The following FAM184A variants were observed in gnomAD, a reference collection of about 807,000 sequenced individuals.
FAM184A encodes protein FAM184A.
In FAM184A, 99 loss-of-function variants were observed where a neutral mutation model predicts 143.8. The observed-to-expected ratio is 0.69, with a 90% CI of 0.58 to 0.81. FAM184A has a LOEUF of 0.81. Among genes scored for constraint, FAM184A ranks in the 40% least tolerant of loss-of-function variants. The pLI is 0.00. For synonymous variants in FAM184A, 427 were observed against 446.4 expected (o/e 0.96, Z 0.55); for missense variants, 1,217 against 1,310.5 (o/e 0.93, Z 1.10).
chr6:119,072,565 A>G (rs1006144882), intron 1 of FAM184A, among the ~76,000 whole-genome samples: 8 of 152,220 alleles, frequency 5.3e-5, no homozygotes, highest in African/African-American at 9.6e-5. Context: ...GTATTATTTG[A>G]AAAATTCACT....
intron 1 of FAM184A, among the ~76,000 whole-genome samples, chr6:119,033,174 G>A (rs574514178): frequency 1.8e-4 from 28 of 152,246 alleles, no homozygotes; most frequent in African/African-American, 5.3e-4. Context: ...GTTTGGAGCC[G>A]GGGTATTAGC....
chr6:119,011,294 C>G lies in FAM184A; in HGVS notation c.1653+15G>C. ...AAAATCTATAACATAGGCAACAGGT[C>G]TAAAGAATTCTTGCCTCTTGATTGG... On this transcript the variant is annotated intron_variant, in intron 6 of 17. Coordinates refer to ENST00000338891, the MANE Select transcript of FAM184A (RefSeq NM_024581.6). 2 of 1,605,056 alleles carry G rather than the reference C, an allele frequency of 1.2e-6. No individual in the cohort carries two copies. Among genetic ancestry groups the G allele is most frequent in the South Asian group, 2.2e-5 (2 of 89,362 alleles).
intron 6 of FAM184A, 100 bp downstream of exon 6, chr6:119,011,209 T>C (rs1468479600): frequency 3.1e-6 from 3 of 953,930 alleles, no homozygotes; most frequent in Non-Finnish European, 4.7e-6. Flanking sequence ...ATTCTAGATA[T>C]GTTACCTTTA....
upstream of FAM184A, chr6:119,079,243 G>C (rs2114804082): frequency 6.6e-6 from 1 of 152,372 alleles, no homozygotes. Flanking sequence ...CCCCAGTTCA[G>C]TGCTGAGTGT....
At chr6:119,116,748 A>C (rs1380915150) in intron 1 of FAM184A, among the ~76,000 whole-genome samples, 1 of 152,242 alleles carries the variant, frequency 6.6e-6, no homozygotes, top group African/African-American at 2.4e-5. Context: ...CTCTCAAAGC[A>C]GAGAAGGATT....
chr6:119,096,796 A>G (rs565911841), intron 1 of FAM184A, among the ~76,000 whole-genome samples: 1 of 152,184 alleles, frequency 6.6e-6, no homozygotes, highest in Non-Finnish European at 1.5e-5. Flanking sequence ...CTACCTCCTG[A>G]CACCAATTAC....
intron 1 of FAM184A, among the ~76,000 whole-genome samples, chr6:119,141,230 C>T (rs914538826): frequency 2.6e-5 from 4 of 152,214 alleles, no homozygotes; most frequent in Non-Finnish European, 4.4e-5. Flanking sequence ...TAGCAACCTG[C>T]CTAGTCGAAT....
At chr6:118,997,180 C>G (rs888044047) in intron 9 of FAM184A, among the ~76,000 whole-genome samples, 3 of 151,618 alleles carry the variant, frequency 2.0e-5, no homozygotes, top group African/African-American at 7.3e-5. Context: ...GTGGACAGAT[C>G]ACTTGAAGTT....
chr6:118,977,949 A>T (rs1409039436), intron 11 of FAM184A, among the ~76,000 whole-genome samples: 2 of 152,158 alleles, frequency 1.3e-5, no homozygotes, highest in Non-Finnish European at 1.5e-5. Context: ...GTCAACAAAG[A>T]CATATTTTAT....
chr6:119,027,342 C>T (rs1785669547), intron 1 of FAM184A, among the ~76,000 whole-genome samples: 1 of 152,150 alleles, frequency 6.6e-6, no homozygotes, highest in South Asian at 2.1e-4. Flanking sequence ...TTAAGTTTGG[C>T]AAAATAAACC....
intron 1 of FAM184A, among the ~76,000 whole-genome samples, chr6:119,095,221 A>G (rs1788474915): frequency 6.6e-6 from 1 of 152,216 alleles, no homozygotes; most frequent in Non-Finnish European, 1.5e-5. Context: ...AACCCTACTT[A>G]TAAGCCCTAT....
intron 1 of FAM184A, among the ~76,000 whole-genome samples, chr6:119,073,445 G>A (rs908254342): frequency 6.6e-6 from 1 of 152,170 alleles, no homozygotes; most frequent in Non-Finnish European, 1.5e-5. Context: ...AACCAGAGAC[G>A]ATAGAAATGA....
At chr6:118,962,025 AT>A in intron 16 of FAM184A, 62 bp from the exon 17 acceptor site, 1 of 1,512,110 alleles carries the variant, frequency 6.6e-7, no homozygotes, top group Non-Finnish European at 9.1e-7. Flanking sequence ...GAAAATAGGA[AT>A]GGTAGAAGAT....
chr6:119,138,934 T>A (rs1376977814), intron 1 of FAM184A, among the ~76,000 whole-genome samples: 1 of 152,094 alleles, frequency 6.6e-6, no homozygotes, highest in Non-Finnish European at 1.5e-5. Context: ...CCCCTTTCAT[T>A]TATAATGATT....
intron 1 of FAM184A, among the ~76,000 whole-genome samples, chr6:119,035,682 G>C (rs928655015): frequency 1.3e-5 from 2 of 151,918 alleles, no homozygotes; most frequent in African/African-American, 2.4e-5. Flanking sequence ...TAAAACCTTC[G>C]TCTCCACAAC....
intron 1 of FAM184A, among the ~76,000 whole-genome samples, chr6:119,029,469 T>TTTATATCTAGAA (rs1297282072): frequency 3.3e-5 from 5 of 152,176 alleles, no homozygotes; most frequent in Admixed American, 6.5e-5. Flanking sequence ...CTATCTTTTC[T>TTTATATCTAGAA]TTATATCTAG....
chr6:119,072,900 T>C (rs1787743566), intron 1 of FAM184A, among the ~76,000 whole-genome samples: 2 of 151,694 alleles, frequency 1.3e-5, no homozygotes, highest in Admixed American at 1.3e-4. Flanking sequence ...TCCTAAAAAG[T>C]ACTGTCTTTC....
At chr6:118,960,515 CTCTT>C (rs1783287302) in intron 17 of FAM184A, among the ~76,000 whole-genome samples, 1 of 152,174 alleles carries the variant, frequency 6.6e-6, no homozygotes, top group Non-Finnish European at 1.5e-5. Context: ...TAATGGTCCT[CTCTT>C]TCAGCACCTT....
intron 1 of FAM184A, among the ~76,000 whole-genome samples, chr6:119,046,124 T>C (rs1173673510): frequency 6.6e-6 from 1 of 152,086 alleles, no homozygotes; most frequent in South Asian, 2.1e-4. Flanking sequence ...TAATAAGAGG[T>C]TGGATATAGG....
Sources: gnomAD v4.1 joint callset for allele counts (sites outside exome capture counted in the v4.1 genomes callset) on GRCh38, gnomAD v4.1.1 for gene constraint, MANE v1.5 for transcripts, NCBI Gene and HGNC (gene_info 2026-07-23, HGNC 2026-07-21) for gene names.